Variants in MRPL37 observed in about 807,000 individuals in gnomAD.
The protein encoded by MRPL37 is large ribosomal subunit protein mL37.
MRPL37 carries 34 observed loss-of-function variants against 44.1 expected under a neutral mutation model. The observed-to-expected ratio is 0.77, with a 90% CI of 0.59 to 1.03. MRPL37 has a LOEUF of 1.03. Among genes scored for constraint, MRPL37 ranks in the 50% least tolerant of loss-of-function variants. The probability of loss-of-function intolerance (pLI) is 0.00; values close to 1 mark genes in which losing one functional copy is unlikely to be tolerated. For missense variants in MRPL37, 532 were observed against 543.7 expected, an observed-to-expected ratio of 0.98 and a Z score of 0.21; for synonymous variants, 212 against 219.5, an observed-to-expected ratio of 0.97 and a Z score of 0.30.
At chr1:54,206,143 C>T (rs952742098) in intron 3 of MRPL37, among the ~76,000 whole-genome samples, 14 of 151,998 alleles carry the variant, frequency 9.2e-5, no homozygotes, top group Admixed American at 3.3e-4. Flanking sequence ...GACGGAGTCT[C>T]GCTCTGTCAC....
chr1:54,216,397 TGGTGTGAGCCTCA>T, intron 6 of MRPL37, 53 bp downstream of exon 6: 1 of 1,587,674 alleles, frequency 6.3e-7, no homozygotes, highest in Non-Finnish European at 8.6e-7. Flanking sequence ...TCCTCCTACC[TGGTGTGAGCCTCA>T]GGTGGGATTG....
At chr1:54,210,193 G>T in intron 4 of MRPL37, 62 bp downstream of exon 4, 2 of 1,532,612 alleles carry the variant, frequency 1.3e-6, no homozygotes, top group Middle Eastern at 1.7e-4. Context: ...TTTTTCTGGA[G>T]GGAAAGGATA....
downstream of MRPL37, chr1:54,220,469 A>G (rs765028452): frequency 6.7e-5 from 25 of 373,396 alleles, no homozygotes; most frequent in Non-Finnish European, 8.3e-5. Context: ...TGCAAAGTAC[A>G]GCTGATCTGC....
At chr1:54,220,821 C>T (rs1485427383), downstream of MRPL37, 2 of 469,074 alleles carry the variant, frequency 4.3e-6, no homozygotes, top group Non-Finnish European at 8.9e-6. Context: ...CGAAACCCCA[C>T]GAGAGGAACT....
chr1:54,215,951 C>T (rs1251958383), intron 5 of MRPL37, among the ~76,000 whole-genome samples, 190 bp from the exon 6 acceptor site: 1 of 152,202 alleles, frequency 6.6e-6, no homozygotes, highest in Non-Finnish European at 1.5e-5. Flanking sequence ...CACAGCCAGC[C>T]TGGGTGAAGG....
In MRPL37 at chr1:54,211,626, G is replaced by A. The variant is rs534326350; in HGVS notation, c.833-875G>A. Among the ~76,000 whole-genome samples, 17 of 152,080 alleles carry A rather than the reference G, an allele frequency of 1.1e-4. 1 individual carries two copies. The highest frequency in any genetic ancestry group is 3.9e-4 in the African/African-American group (16 of 41,474). On this transcript the variant is annotated intron_variant, in intron 4 of 6. Transcript: ENST00000360840. ...TCCTACCTCAGCCTCCTGAGTAGCC[G>A]GGACCACAGGCATGTGCTACCACAC...
chr1:54,208,710 C>A (rs571008594), intron 3 of MRPL37, among the ~76,000 whole-genome samples: 2 of 152,220 alleles, frequency 1.3e-5, no homozygotes, highest in Admixed American at 6.5e-5. Context: ...GCACATTATT[C>A]CTCCTTAACT....
downstream of MRPL37, among the ~76,000 whole-genome samples, chr1:54,220,457 G>GCTGCAAAGTACAGCTGAT (rs936365078): frequency 1.3e-5 from 2 of 152,204 alleles, no homozygotes; most frequent in African/African-American, 4.8e-5. Flanking sequence ...TGTCAAGGGA[G>GCTGCAAAGTACAGCTGAT]CTGCAAAGTA....
In MRPL37 at chr1:54,218,216, GT is replaced by G. The variant is rs1474746576; in HGVS notation, c.1244del (p.Leu415Ter). Reference sequence around the variant, plus strand: ...GTTTCAAGCCAGAGACATTCAGAAAGTTTTTAGCTCTATATTTGCATGGTGC... The same window carrying G: ...GTTTCAAGCCAGAGACATTCAGAAAGTTTTAGCTCTATATTTGCATGGTGC... ...VGFKPETFRK[F>X]LALYLHGAA On this transcript the variant is annotated frameshift_variant, in exon 7 of 7. Transcript: ENST00000360840. LOFTEE classifies it high-confidence loss of function. 6.2e-7 allele frequency: 1 copy of G among 1,614,234 alleles called. No individual in the cohort carries two copies. Among genetic ancestry groups the G allele is most frequent in the Non-Finnish European group, 8.5e-7 (1 of 1,180,034 alleles).
At chr1:54,221,814 C>T (rs778595551), downstream of MRPL37, among the ~76,000 whole-genome samples, 1 of 152,206 alleles carries the variant, frequency 6.6e-6, no homozygotes, top group Non-Finnish European at 1.5e-5. Flanking sequence ...GGTCCCTCAC[C>T]GTAGACCTCC....
intron 1 of MRPL37, among the ~76,000 whole-genome samples, chr1:54,201,103 G>T (rs899997749): frequency 6.6e-6 from 1 of 152,210 alleles, no homozygotes; most frequent in Admixed American, 6.5e-5. Context: ...GCCAAAACCA[G>T]CCTGTCTATC....
chr1:54,220,705 G>A (rs1231635952), downstream of MRPL37: 2 of 471,444 alleles, frequency 4.2e-6, no homozygotes, highest in South Asian at 1.5e-5. Context: ...CGGAACTTGA[G>A]GGCCTCAGCC....
At chr1:54,209,702 A>G (rs1026595723) in intron 3 of MRPL37, among the ~76,000 whole-genome samples, 1 of 151,334 alleles carries the variant, frequency 6.6e-6, no homozygotes, top group Non-Finnish European at 1.5e-5. Flanking sequence ...CTCGTGATCC[A>G]CCCGCCTCAG....
At chr1:54,217,903 C>A (rs1392166487) in intron 6 of MRPL37, among the ~76,000 whole-genome samples, 1 of 152,136 alleles carries the variant, frequency 6.6e-6, no homozygotes, top group South Asian at 2.1e-4. Context: ...GGGCAGCAGC[C>A]CATTTCAACC....
chr1:54,225,201 A>C (rs975575487), downstream of MRPL37: 13 of 1,234,228 alleles, frequency 1.1e-5, no homozygotes, highest in African/African-American at 1.9e-4. Context: ...GACGGCCCCC[A>C]AATATTTAAA....
chr1:54,202,756 G>C (rs1644093836), intron 1 of MRPL37, among the ~76,000 whole-genome samples: 1 of 152,168 alleles, frequency 6.6e-6, no homozygotes, highest in African/African-American at 2.4e-5. Context: ...CTCCCAGAGT[G>C]CTGAGGTTAT....
chr1:54,208,171 T>G (rs1309881122), intron 3 of MRPL37, among the ~76,000 whole-genome samples: 1 of 152,202 alleles, frequency 6.6e-6, no homozygotes, highest in African/African-American at 2.4e-5. Context: ...CCGACTTCAG[T>G]GAGGCTGTTT....
At chr1:54,221,515 G>A (rs529348916), downstream of MRPL37, among the ~76,000 whole-genome samples, 13 of 152,150 alleles carry the variant, frequency 8.5e-5, no homozygotes, top group African/African-American at 3.1e-4. Context: ...CTGCATCCAG[G>A]GGGGCGTGCT....
downstream of MRPL37, chr1:54,220,868 T>G (rs747333424): frequency 1.1e-4 from 51 of 459,242 alleles, no homozygotes; most frequent in Non-Finnish European, 9.2e-6. Context: ...ATGGTGACAT[T>G]CCCATTGTGA....
Sources: gnomAD v4.1 joint callset for allele counts (sites outside exome capture counted in the v4.1 genomes callset) on GRCh38, gnomAD v4.1.1 for gene constraint, MANE v1.5 for transcripts, NCBI Gene and HGNC (gene_info 2026-07-23, HGNC 2026-07-21) for gene names.